PLXND1: variants seen among roughly 807,000 people sequenced by gnomAD.
PLXND1 encodes the protein plexin D1, also known as plexin-D1.
Under a neutral mutation model 197.7 loss-of-function variants are expected in PLXND1, and 54 were observed. The observed-to-expected ratio is 0.27, with a 90% CI of 0.22 to 0.34. The LOEUF is 0.34. Ranked by LOEUF, PLXND1 falls within the 10% of genes least tolerant of loss-of-function variation. PLXND1 has a pLI of 1.00. For missense variants in PLXND1, 2,127 were observed against 2,699.2 expected (o/e 0.79, Z 4.70); for synonymous variants, 1,180 against 1,161.2 (o/e 1.02, Z -0.33).
intron 1 of PLXND1, 68 bp downstream of exon 1, chr3:129,605,261 T>TTG: frequency 8.9e-4 from 440 of 493,292 alleles, no homozygotes; most frequent in Non-Finnish European, 1.2e-3. Context: ...CCCGCTCGGT[T>TTG]CCCGCCCGCC....
chr3:129,604,724 G>A (rs1360909992), intron 1 of PLXND1, among the ~76,000 whole-genome samples: 1 of 152,184 alleles, frequency 6.6e-6, no homozygotes. Flanking sequence ...CCCCTGCCAC[G>A]CACATCCCAC....
At chr3:129,570,990 C>T in intron 18 of PLXND1, 50 bp downstream of exon 18, 1 of 1,613,216 alleles carries the variant, frequency 6.2e-7, no homozygotes, top group Non-Finnish European at 8.5e-7. Context: ...AGGCCCACAG[C>T]TGAGGCTGGC....
At chr3:129,560,095 C>T (rs1393755508) in intron 31 of PLXND1, among the ~76,000 whole-genome samples, 3 of 152,200 alleles carry the variant, frequency 2.0e-5, no homozygotes, top group Non-Finnish European at 2.9e-5. Context: ...TACCCTGTTA[C>T]GTGGGCTAAC....
intron 27 of PLXND1, among the ~76,000 whole-genome samples, chr3:129,562,245 GCTCACACCTGT>G (rs146097437): frequency 0.031 from 4,703 of 152,242 alleles, 347 homozygotes; most frequent in East Asian, 0.23. Flanking sequence ...CCGCGCGGTG[GCTCACACCTGT>G]AATCCCAGCA....
In PLXND1 at chr3:129,567,484, G is replaced by A. The variant is rs73204258; in HGVS notation, c.4086+8C>T. Reference sequence around the variant, plus strand: ...ACAGGTTCAGGGCAGGCTCAGGCTCGGGCTGACCTTGGGGAAGAAGGTGCG... The same window carrying A: ...ACAGGTTCAGGGCAGGCTCAGGCTCAGGCTGACCTTGGGGAAGAAGGTGCG... On this transcript the variant is annotated splice_region_variant and intron_variant, in intron 22 of 35. Coordinates refer to ENST00000324093, the MANE Select transcript of PLXND1 (RefSeq NM_015103.3). 16,027 of 1,543,688 alleles carry A rather than the reference G, an allele frequency of 0.01. 103 individuals carry two copies. The highest frequency in any genetic ancestry group is 0.014 in the Middle Eastern group (86 of 5,952).
chr3:129,555,801 A>G lies in PLXND1; in HGVS notation c.*511T>C, dbSNP rs1430325135. ...ACACTACTTGAAACTGTCTGTGGCC[A>G]GGATCCTCTACGGGTGAGGGGGAAG... is the stretch of plus-strand genomic sequence containing the variant. On this transcript the variant is annotated 3_prime_UTR_variant, in exon 36 of 36. Coordinates refer to ENST00000324093, the MANE Select transcript of PLXND1 (RefSeq NM_015103.3). 2 of 431,972 alleles carry G rather than the reference A, an allele frequency of 4.6e-6. No individual in the cohort carries two copies. The highest frequency in any genetic ancestry group is 8.1e-6 in the Non-Finnish European group (2 of 245,548). The allele number at this position is 431,972 out of a possible 1,614,324, so 26.8% of individuals were successfully genotyped here.
At chr3:129,586,506 AG>A in intron 3 of PLXND1, 81 bp downstream of exon 3, 1 of 1,487,574 alleles carries the variant, frequency 6.7e-7, no homozygotes, top group Non-Finnish European at 9.2e-7. Flanking sequence ...CTCCCAGCAG[AG>A]GAACAGCGTG....
At chr3:129,596,453 C>T (rs114234174) in intron 1 of PLXND1, among the ~76,000 whole-genome samples, 6,052 of 152,242 alleles carry the variant, frequency 0.04, 379 homozygotes, top group African/African-American at 0.14. Context: ...CCCGGCCTGG[C>T]CCCATTTCCA....
intron 24 of PLXND1, among the ~76,000 whole-genome samples, 173 bp from the exon 25 acceptor site, chr3:129,565,711 C>G (rs2285361): frequency 0.032 from 4,851 of 152,256 alleles, 373 homozygotes; most frequent in East Asian, 0.25. Context: ...CCACCTTCTT[C>G]TACGTCCACA....
At chr3:129,586,994 T>C (rs1370783023) in intron 2 of PLXND1, among the ~76,000 whole-genome samples, 1 of 152,158 alleles carries the variant, frequency 6.6e-6, no homozygotes, top group Non-Finnish European at 1.5e-5. Flanking sequence ...CGAAACGTGC[T>C]CTGGGAGGCT....
chr3:129,557,369 G>A lies in PLXND1; in HGVS notation c.5446-146C>T, dbSNP rs907771445. 9 of 818,648 alleles carry A rather than the reference G, an allele frequency of 1.1e-5. No homozygotes were observed. The highest frequency in any genetic ancestry group is 1.8e-5 in the South Asian group (1 of 56,772). 50.7% of individuals were successfully genotyped at this position (818,648 alleles called of 1,614,324 possible). ...AAAGAGTCTCACCCGGTCACTGAAC[G>A]TCCCCGCACTCAGCCGGCCCCAGAC... On this transcript the variant is annotated intron_variant, in intron 33 of 35. Transcript: ENST00000324093. The surrounding 1 kb of genome is among the most constrained non-coding windows in gnomAD (Gnocchi z 4.8).
intron 1 of PLXND1, among the ~76,000 whole-genome samples, chr3:129,597,399 G>A (rs886271736): frequency 6.6e-6 from 1 of 152,188 alleles, no homozygotes; most frequent in African/African-American, 2.4e-5. Context: ...CAAAGATAGC[G>A]GGCAGAGGCT....
At position 129,578,442 on chromosome 3, in the gene PLXND1, G is replaced by A. The variant is rs937911073; in HGVS notation, c.2242-9C>T. On this transcript the variant is annotated splice_polypyrimidine_tract_variant and intron_variant, in intron 8 of 35. Coordinates refer to ENST00000324093, the MANE Select transcript of PLXND1 (RefSeq NM_015103.3). The stretch of plus-strand genomic sequence containing the variant: ...GGGCAGTCCTGAGGGCTCTGCAGAG[G>A]AAACAGAAGGAGAGGGTGACACAGG... 3.9e-6 allele frequency: 6 copies of A among 1,536,026 alleles called. No homozygotes were observed. Among genetic ancestry groups the A allele is most frequent in the Non-Finnish European group, 4.4e-6 (5 of 1,125,218 alleles).
At chr3:129,598,713 C>T (rs1332795396) in intron 1 of PLXND1, among the ~76,000 whole-genome samples, 2 of 152,172 alleles carry the variant, frequency 1.3e-5, no homozygotes, top group Non-Finnish European at 2.9e-5. Context: ...CCATTCACCC[C>T]TTCCGACACC....
At chr3:129,569,760 T>G (rs1393245047) in intron 20 of PLXND1, 83 bp downstream of exon 20, 6 of 777,426 alleles carry the variant, frequency 7.7e-6, no homozygotes, top group African/African-American at 1.7e-5. Flanking sequence ...CATCCTGCCT[T>G]CTCCCATCTG....
In PLXND1 at chr3:129,558,260, C is replaced by T. The variant is rs1431397169; in HGVS notation, c.5445+168G>A. 6.6e-6 allele frequency among the ~76,000 whole-genome samples: 1 copy of T among 152,170 alleles called. No individual in the cohort carries two copies. The highest frequency in any genetic ancestry group is 1.9e-4 in the East Asian group (1 of 5,190). ...GAAGGTACTGGCTTCTAGGTGTCTCCCTGTCTGAATGAGTCACTCATCCCA... is the reference window on the plus strand; with the variant it reads ...GAAGGTACTGGCTTCTAGGTGTCTCTCTGTCTGAATGAGTCACTCATCCCA... On this transcript the variant is annotated intron_variant, in intron 33 of 35. Coordinates refer to ENST00000324093, the MANE Select transcript of PLXND1 (RefSeq NM_015103.3). This position sits in a 1 kb window ranked among gnomAD's most constrained non-coding sequence, Gnocchi z 4.1.
chr3:129,576,421 A>G (rs2085315142), intron 9 of PLXND1, among the ~76,000 whole-genome samples: 1 of 152,184 alleles, frequency 6.6e-6, no homozygotes, highest in Admixed American at 6.5e-5. Flanking sequence ...GGTGTGCCTC[A>G]CTTGATCCTC....
chr3:129,582,346 C>T (rs889964878), intron 8 of PLXND1, among the ~76,000 whole-genome samples: 4 of 152,234 alleles, frequency 2.6e-5, no homozygotes, highest in African/African-American at 9.6e-5. Context: ...GCTCTGGGCG[C>T]TGGGGCTGCT....
At position 129,602,156 on chromosome 3, in the gene PLXND1, G is replaced by A. The variant is rs547583638; in HGVS notation, c.1311+3173C>T. Among the ~76,000 whole-genome samples, 39 of 152,126 alleles carry A rather than the reference G, an allele frequency of 2.6e-4. 1 individual carries two copies. Among genetic ancestry groups the A allele is most frequent in the Non-Finnish European group, 4.7e-4 (32 of 68,006 alleles). Reference sequence around the variant, plus strand: ...ACAGCCCTAAGAGGCAGGTATTCACGAGCATTCCCCTTCTGCAGCGGGGAG... The same window carrying A: ...ACAGCCCTAAGAGGCAGGTATTCACAAGCATTCCCCTTCTGCAGCGGGGAG... On this transcript the variant is annotated intron_variant, in intron 1 of 35. Coordinates refer to ENST00000324093, the MANE Select transcript of PLXND1 (RefSeq NM_015103.3).
Sources: gnomAD v4.1 joint callset for allele counts (sites outside exome capture counted in the v4.1 genomes callset) on GRCh38, gnomAD v4.1.1 for gene constraint, Gnocchi (gnomAD v3.1) non-coding constraint, MANE v1.5 for transcripts, NCBI Gene and HGNC (gene_info 2026-07-23, HGNC 2026-07-21) for gene names.